Variants in FXYD1 observed in about 807,000 individuals in gnomAD.
FXYD1 encodes the protein phospholemman.
FXYD1 carries 9 observed loss-of-function variants against 17.2 expected under a neutral mutation model. The observed-to-expected ratio is 0.52, with a 90% CI of 0.32 to 0.91. The LOEUF is 0.91. Ranked by LOEUF, FXYD1 falls within the 40% of genes least tolerant of loss-of-function variation. The probability of loss-of-function intolerance (pLI) is 0.04; values close to 1 mark genes in which losing one functional copy is unlikely to be tolerated. For synonymous variants in FXYD1, 55 were observed against 45.8 expected, an observed-to-expected ratio of 1.20 and a Z score of -0.81; for missense variants, 113 against 120.6, an observed-to-expected ratio of 0.94 and a Z score of 0.29.
At chr19:35,140,557 C>T in intron 2 of FXYD1, 40 bp from the exon 3 acceptor site, 1 of 1,602,982 alleles carries the variant, frequency 6.2e-7, no homozygotes, top group Non-Finnish European at 8.5e-7. Flanking sequence ...CTGCCAGGAC[C>T]CCAGGAAGCA....
Position 35,142,728 on chromosome 19 carries a change from A to T in FXYD1, c.265A>T (p.Thr89Ser). ...CTCCGTGTTCCCCCCAGGTCTGTCC[A>T]CCCGCAGGCGGTAGAAACACCTGGA... ...TFRSSIRRLSTRRR is the reference protein window; with the variant it reads ...TFRSSIRRLSSRRR The change falls in exon 7 of 8, where the codon ACC (threonine) becomes TCC (serine). Residue 89 changes from threonine to serine, a missense_variant. Coordinates refer to ENST00000351325, the MANE Select transcript of FXYD1 (RefSeq NM_021902.4). The T allele has an allele frequency of 1.2e-6, 2 of 1,613,264 alleles. No homozygotes were observed. Among genetic ancestry groups the T allele is most frequent in the Non-Finnish European group, 1.7e-6 (2 of 1,179,766 alleles).
chr19:35,140,558 C>T, intron 2 of FXYD1, 39 bp from the exon 3 acceptor site: 3 of 1,604,038 alleles, frequency 1.9e-6, no homozygotes, highest in South Asian at 2.2e-5. Context: ...TGCCAGGACC[C>T]CAGGAAGCAT....
At chr19:35,141,895 G>A (rs2065260309) in intron 5 of FXYD1, among the ~76,000 whole-genome samples, 1 of 152,260 alleles carries the variant, frequency 6.6e-6, no homozygotes, top group African/African-American at 2.4e-5. Flanking sequence ...ACGCGGCCCA[G>A]TTTAGCTTAG....
At position 35,140,126 on chromosome 19, in the gene FXYD1, C is replaced by A; in HGVS notation, c.47C>A (p.Thr16Asn). Residue 16 changes from threonine (T) to asparagine (N), a missense_variant, in exon 2 of 8, where the codon ACC (threonine) becomes AAC (asparagine). Thr to Asn is a moderately conservative substitution (Grantham distance 65, BLOSUM62 0). Transcript: ENST00000351325. ...HILVFCVGLL[T>N]MAKAESPKEH... Reference sequence around the variant, plus strand: ...TTGGTTTTCTGTGTGGGTCTCCTCACCATGGCCAAGGCAGGTGAGTGCAGG... The same window carrying A: ...TTGGTTTTCTGTGTGGGTCTCCTCAACATGGCCAAGGCAGGTGAGTGCAGG... 6.3e-7 allele frequency: 1 copy of A among 1,590,986 alleles called. No homozygotes were observed. Among genetic ancestry groups the A allele is most frequent in the Non-Finnish European group, 8.6e-7 (1 of 1,158,952 alleles).
rs751612859 is a variant in FXYD1 at position 35,140,635 on chromosome 19, CG to C, written c.94+12del. On this transcript the variant is annotated splice_region_variant and intron_variant, in intron 3 of 7. Transcript: ENST00000351325. ...ACACGACCCGTTCACTTACGGTGAG[CG>C]GGGGGTCTAATTTTGAGTCCTGGGG... 3.1e-6 allele frequency: 5 copies of C among 1,612,724 alleles called. No homozygotes were observed. The highest frequency in any genetic ancestry group is 4.5e-5 in the East Asian group (2 of 44,852).
At chr19:35,142,365 G>T in intron 5 of FXYD1, 107 bp from the exon 6 acceptor site, 1 of 820,336 alleles carries the variant, frequency 1.2e-6, no homozygotes, top group African/African-American at 1.7e-5. Context: ...GTCCATATCT[G>T]GGCCTAGTTA....
At chr19:35,138,027 T>G (rs909376925), upstream of FXYD1, 5 of 152,236 alleles carry the variant, frequency 3.3e-5, no homozygotes, top group Non-Finnish European at 7.3e-5. Context: ...CACATAAACA[T>G]GCATTTTTGT....
chr19:35,142,769 C>G lies in FXYD1; in HGVS notation c.*27C>G. On this transcript the variant is annotated splice_region_variant and 3_prime_UTR_variant, in exon 7 of 8. Coordinates refer to ENST00000351325, the MANE Select transcript of FXYD1 (RefSeq NM_021902.4). ...AACACCTGGAGCGATGGAATCCGGC[C>G]AGGTGCTGCAGCTCTGACACGGCGG... 6.2e-7 allele frequency: 1 copy of G among 1,609,936 alleles called. No homozygotes were observed. Among genetic ancestry groups the G allele is most frequent in the Non-Finnish European group, 8.5e-7 (1 of 1,176,826 alleles).
At chr19:35,137,501 A>G (rs2065216327), upstream of FXYD1, 1 of 152,054 alleles carries the variant, frequency 6.6e-6, no homozygotes, top group South Asian at 2.1e-4. Context: ...GTTGTCCTTG[A>G]TGGTGTTTCT....
intron 5 of FXYD1, 162 bp from the exon 6 acceptor site, chr19:35,142,310 C>T (rs1035443112): frequency 6.4e-6 from 4 of 623,284 alleles, no homozygotes; most frequent in South Asian, 4.1e-5. Context: ...ACATAAGCTG[C>T]TCCTGGGTGC....
intron 4 of FXYD1, 111 bp downstream of exon 4, chr19:35,141,317 G>A: frequency 4.7e-6 from 1 of 211,510 alleles, no homozygotes; most frequent in South Asian, 4.2e-5. Context: ...CCCTGGCCCC[G>A]CTTCTCCCTG....
chr19:35,139,844 C>A (rs1370519598), intron 1 of FXYD1: 6 of 492,626 alleles, frequency 1.2e-5, no homozygotes, highest in South Asian at 1.2e-4. Context: ...GTGTCTCACC[C>A]CCGTCCCTGC....
chr19:35,140,723 A>T, intron 3 of FXYD1, 94 bp downstream of exon 3: 2 of 992,408 alleles, frequency 2.0e-6, no homozygotes, highest in Admixed American at 3.7e-5. Context: ...CCCAGTATTG[A>T]TATCTCTGTC....
intron 6 of FXYD1, 31 bp downstream of exon 6, chr19:35,142,552 G>A: frequency 1.2e-6 from 2 of 1,603,270 alleles, no homozygotes; most frequent in East Asian, 2.2e-5. Context: ...GGTATTCTGG[G>A]GAGAGGGCTG....
rs777866705 is a variant in FXYD1, at chr19:35,141,222, T to A, written c.169+16T>A. The A allele has an allele frequency of 2.6e-6, 4 of 1,510,934 alleles. No homozygotes were observed. The highest frequency in any genetic ancestry group is 3.7e-6 in the Non-Finnish European group (4 of 1,095,536). The allele number at this position is 1,510,934 out of a possible 1,614,324, so 93.6% of individuals were successfully genotyped here. On this transcript the variant is annotated intron_variant, in intron 4 of 7. Coordinates refer to ENST00000351325, the MANE Select transcript of FXYD1 (RefSeq NM_021902.4). ...ATCGTGCTGAGTGAGTGCCCCTAGC[T>A]CCCGCCCTCTACCCCGCCTCTCCCT...
chr19:35,140,955 C>A, intron 3 of FXYD1, 177 bp from the exon 4 acceptor site: 2 of 585,592 alleles, frequency 3.4e-6, no homozygotes, highest in Non-Finnish European at 3.1e-6. Flanking sequence ...CTATACACCC[C>A]TTTCCTCTCC....
chr19:35,140,146 T>C lies in FXYD1; in HGVS notation c.61+6T>C. The C allele has an allele frequency of 1.3e-6, 2 of 1,496,796 alleles. No homozygotes were observed. Among genetic ancestry groups the C allele is most frequent in the Non-Finnish European group, 1.9e-6 (2 of 1,073,130 alleles). 92.7% of individuals were successfully genotyped at this position (1,496,796 alleles called of 1,614,324 possible). On this transcript the variant is annotated splice_donor_region_variant and intron_variant, in intron 2 of 7. Transcript: ENST00000351325. Reference sequence around the variant, plus strand: ...CCTCACCATGGCCAAGGCAGGTGAGTGCAGGGGAGGCTGCCCGCTACCCAC... The same window carrying C: ...CCTCACCATGGCCAAGGCAGGTGAGCGCAGGGGAGGCTGCCCGCTACCCAC...
At position 35,142,716 on chromosome 19, in the gene FXYD1, C is replaced by G. The variant is rs1351931208; in HGVS notation, c.257-4C>G. 6.2e-7 allele frequency: 1 copy of G among 1,613,802 alleles called. No homozygotes were observed. The highest frequency in any genetic ancestry group is 1.7e-5 in the Admixed American group (1 of 60,010). Reference sequence around the variant, plus strand: ...ATGACCCCCGATCTCCGTGTTCCCCCCAGGTCTGTCCACCCGCAGGCGGTA... The same window carrying G: ...ATGACCCCCGATCTCCGTGTTCCCCGCAGGTCTGTCCACCCGCAGGCGGTA... On this transcript the variant is annotated splice_region_variant and splice_polypyrimidine_tract_variant and intron_variant, in intron 6 of 7. Transcript: ENST00000351325.
chr19:35,142,390 AG>A, intron 5 of FXYD1, 81 bp from the exon 6 acceptor site: 1 of 1,058,072 alleles, frequency 9.5e-7, no homozygotes. Context: ...AATCTGGGAA[AG>A]GAGGCTTGTA....
Sources: allele counts gnomAD v4.1 joint callset (sites outside exome capture counted in the v4.1 genomes callset), GRCh38; gene constraint gnomAD v4.1.1; transcripts MANE v1.5; gene names NCBI Gene and HGNC (gene_info 2026-07-23, HGNC 2026-07-21).